The following ABI3BP variants were observed in gnomAD, a reference collection of about 807,000 sequenced individuals.
The protein encoded by ABI3BP is target of Nesh-SH3.
A neutral mutation model predicts 268.6 loss-of-function variants in ABI3BP; 216 were observed. That is an observed-to-expected ratio of 0.80 (90% CI 0.72 to 0.90). The LOEUF (loss-of-function observed/expected upper bound fraction) is 0.90. Ranked by LOEUF, ABI3BP falls within the 40% of genes least tolerant of loss-of-function variation. ABI3BP has a pLI of 0.00. For missense variants in ABI3BP, 2,090 were observed against 2,182.4 expected, an observed-to-expected ratio of 0.96 and a Z score of 0.84; for synonymous variants, 730 against 730.0, an observed-to-expected ratio of 1.00 and a Z score of 0.00.
At chr3:100,772,652 C>T (rs181141730) in intron 61 of ABI3BP, among the ~76,000 whole-genome samples, 6 of 151,956 alleles carry the variant, frequency 3.9e-5, no homozygotes, top group Admixed American at 3.9e-4. Flanking sequence ...ACATACTCAA[C>T]CTAAAAGAAG....
rs749017432 is a variant in ABI3BP, at chr3:100,752,821, G to T, written c.5088C>A (p.Leu1696=). Residue 1696 remains leucine, a synonymous_variant, in exon 66 of 68, where the codon CTC becomes CTA. Coordinates refer to ENST00000471714, the MANE Select transcript of ABI3BP (RefSeq NM_001375547.2). ...KFVGVQLCNS[L]RYKIYLSDSL... is the part of the protein sequence containing the mutation. ...AGTCGCTCAAGTAAATCTTGTATCTGAGAGAGTTGCACAGCTGCACTCCTA... is the reference window on the plus strand; with the variant it reads ...AGTCGCTCAAGTAAATCTTGTATCTTAGAGAGTTGCACAGCTGCACTCCTA... The T allele has an allele frequency of 6.2e-7, 1 of 1,613,366 alleles. No individual in the cohort carries two copies. Among genetic ancestry groups the T allele is most frequent in the Non-Finnish European group, 8.5e-7 (1 of 1,179,670 alleles).
intron 9 of ABI3BP, among the ~76,000 whole-genome samples, chr3:100,873,351 G>T (rs192648776): frequency 2.6e-5 from 4 of 152,016 alleles, no homozygotes; most frequent in African/African-American, 9.7e-5. Context: ...AAGAAAATTG[G>T]AAACAAGAAA....
At position 100,875,543 on chromosome 3, in the gene ABI3BP, G is replaced by T; in HGVS notation, c.782C>A (p.Ser261Tyr). The stretch of plus-strand genomic sequence containing the variant: ...TCCTCCCAGTGGAGCTTTTTCTGGG[G>T]ATTTAGCTGAATCCTTGTGAGTAAC... ...QNVTHKDSAK[S>Y]PEKAPLGGVI... Residue 261 changes from serine (S) to tyrosine (Y), a missense_variant, in exon 8 of 68, where the codon TCC becomes TAC. Coordinates refer to ENST00000471714, the MANE Select transcript of ABI3BP (RefSeq NM_001375547.2). 1.9e-6 allele frequency: 3 copies of T among 1,613,472 alleles called. No homozygotes were observed. Among genetic ancestry groups the T allele is most frequent in the South Asian group, 2.2e-5 (2 of 91,078 alleles).
intron 38 of ABI3BP, among the ~76,000 whole-genome samples, chr3:100,822,046 T>C (rs1477504538): frequency 6.6e-6 from 1 of 152,134 alleles, no homozygotes; most frequent in Admixed American, 6.5e-5. Flanking sequence ...TTCTCCTTAA[T>C]CTATATTTCC....
chr3:100,913,907 A>T (rs2057670290), intron 2 of ABI3BP, among the ~76,000 whole-genome samples: 1 of 152,196 alleles, frequency 6.6e-6, no homozygotes, highest in African/African-American at 2.4e-5. Context: ...ACCTCTAAAC[A>T]TGGAAACATA....
At position 100,850,081 on chromosome 3, in the gene ABI3BP, T is replaced by C; in HGVS notation, c.1465A>G (p.Ile489Val). 1 of 1,611,256 alleles carries C rather than the reference T, an allele frequency of 6.2e-7. No individual in the cohort carries two copies. Among genetic ancestry groups the C allele is most frequent in the Non-Finnish European group, 8.5e-7 (1 of 1,178,832 alleles). The change falls in exon 17 of 68, where the codon ATC (isoleucine) becomes GTC (valine). Residue 489 changes from isoleucine (I) to valine (V), a missense_variant. Coordinates refer to ENST00000471714, the MANE Select transcript of ABI3BP (RefSeq NM_001375547.2). ...GGCTGCATTTCTGGACTGGTAAAGA[T>C]TTCCAGTTTTTGAGGAACAAATGGT... ...ETPFVPQKLE[I>V]FTSPEMQPTT... is the part of the protein sequence containing the mutation.
intron 57 of ABI3BP, among the ~76,000 whole-genome samples, chr3:100,783,947 C>A (rs993755078): frequency 6.6e-6 from 1 of 152,186 alleles, no homozygotes; most frequent in African/African-American, 2.4e-5. Flanking sequence ...GACACATCAG[C>A]TAAGCTGGGA....
At chr3:100,919,449 T>C (rs2059613763) in intron 2 of ABI3BP, among the ~76,000 whole-genome samples, 1 of 152,230 alleles carries the variant, frequency 6.6e-6, no homozygotes. Context: ...TTGCCGTCTA[T>C]ACCAATATAA....
At chr3:100,945,295 CTG>C (rs2071581028) in intron 1 of ABI3BP, among the ~76,000 whole-genome samples, 1 of 152,016 alleles carries the variant, frequency 6.6e-6, no homozygotes, top group South Asian at 2.1e-4. Flanking sequence ...ATATATGTGA[CTG>C]TCACATATAA....
rs1230162181 is a variant in ABI3BP at position 100,838,462 on chromosome 3, AG to A, written c.1947del (p.Ser650GlnfsTer59). ...IQPEPLVPTT[A>X]SKPSERPKTT... ...GTTTTAGGTCTCTCAGATGGTTTTGAGGCTAAAGAAAAAGGTATTAAAATTA... is the reference window on the plus strand; with the variant it reads ...GTTTTAGGTCTCTCAGATGGTTTTGAGCTAAAGAAAAAGGTATTAAAATTA... On this transcript the variant is annotated frameshift_variant and splice_region_variant, in exon 25 of 68. Transcript: ENST00000471714. LOFTEE classifies it high-confidence loss of function. The A allele has an allele frequency of 2.0e-6, 3 of 1,535,336 alleles. No individual in the cohort carries two copies. The highest frequency in any genetic ancestry group is 2.6e-6 in the Non-Finnish European group (3 of 1,146,426).
At chr3:100,894,917 C>G in intron 4 of ABI3BP, among the ~76,000 whole-genome samples, 1 of 74,490 alleles carries the variant, frequency 1.3e-5, no homozygotes, top group Non-Finnish European at 2.7e-5. Context: ...CCAGCCTGGG[C>G]GACAGAGCGG....
intron 1 of ABI3BP, among the ~76,000 whole-genome samples, chr3:100,944,900 G>A (rs1231779566): frequency 6.6e-6 from 1 of 152,106 alleles, no homozygotes; most frequent in Non-Finnish European, 1.5e-5. Context: ...TCTAAGAAAG[G>A]CCATTTGCTC....
chr3:100,836,552 G>A (rs1434711558), intron 27 of ABI3BP, among the ~76,000 whole-genome samples: 1 of 152,078 alleles, frequency 6.6e-6, no homozygotes, highest in Non-Finnish European at 1.5e-5. Context: ...GAGGAAGTCA[G>A]GACAACAGGA....
chr3:100,902,548 G>A, intron 3 of ABI3BP, 70 bp downstream of exon 3: 1 of 1,449,296 alleles, frequency 6.9e-7, no homozygotes, highest in South Asian at 1.2e-5. Context: ...GTCTCCAGGG[G>A]TCCAAAAGAG....
At chr3:100,752,688 A>G (rs564096632) in intron 66 of ABI3BP, 99 bp downstream of exon 66, 13 of 1,328,988 alleles carry the variant, frequency 9.8e-6, no homozygotes, top group African/African-American at 1.5e-5. Context: ...TACAGCACCC[A>G]TTCGTGCCTG....
chr3:100,851,782 G>A lies in ABI3BP; in HGVS notation c.1351+93C>T, dbSNP rs111895036. On this transcript the variant is annotated intron_variant, in intron 15 of 67. Transcript: ENST00000471714. ...ATTTCTCCCATGCAGAGCTCCAGAGGATACAATTTTCCACTCTGCAAAAAC... is the reference window on the plus strand; with the variant it reads ...ATTTCTCCCATGCAGAGCTCCAGAGAATACAATTTTCCACTCTGCAAAAAC... The A allele has an allele frequency of 6.1e-5, 64 of 1,054,918 alleles. No homozygotes were observed. In the Middle Eastern group the frequency reaches 1.4e-3, roughly 24 times the overall value. 65.3% of individuals were successfully genotyped at this position (1,054,918 alleles called of 1,614,324 possible). A position where few individuals can be genotyped will look rare whatever the true frequency, so the allele number is the denominator to read the frequency against.
rs115837698 is a variant in ABI3BP at position 100,856,871 on chromosome 3, C to T, written c.1286-4931G>A. ...TATGCTGCTTCTCCTTCCCTGGTGCCCACAGAAAACACAGCAAGTTGATAG... is the reference window on the plus strand; with the variant it reads ...TATGCTGCTTCTCCTTCCCTGGTGCTCACAGAAAACACAGCAAGTTGATAG... On this transcript the variant is annotated intron_variant, in intron 14 of 67. Coordinates refer to ENST00000471714, the MANE Select transcript of ABI3BP (RefSeq NM_001375547.2). 3.8e-3 allele frequency among the ~76,000 whole-genome samples: 574 copies of T among 152,220 alleles called. 5 individuals carry two copies. Among genetic ancestry groups the T allele is most frequent in the African/African-American group, 0.012 (517 of 41,536 alleles).
chr3:100,753,713 G>T, intron 65 of ABI3BP, 106 bp downstream of exon 65: 1 of 1,229,436 alleles, frequency 8.1e-7, no homozygotes, highest in Non-Finnish European at 1.2e-6. Flanking sequence ...GTTATAAGAA[G>T]ACTAAGTGGA....
At chr3:100,977,126 C>A (rs2086633969) in intron 1 of ABI3BP, among the ~76,000 whole-genome samples, 1 of 152,116 alleles carries the variant, frequency 6.6e-6, no homozygotes, top group Non-Finnish European at 1.5e-5. Flanking sequence ...TTCCAATTTT[C>A]TTTTGCCCAT....
Sources: gnomAD v4.1 joint callset for allele counts (sites outside exome capture counted in the v4.1 genomes callset) on GRCh38, gnomAD v4.1.1 for gene constraint, MANE v1.5 for transcripts, NCBI Gene and HGNC (gene_info 2026-07-23, HGNC 2026-07-21) for gene names.